Variants in TRPS1 observed in about 807,000 individuals in gnomAD.
The protein encoded by TRPS1 is zinc finger transcription factor Trps1.
TRPS1 carries 6 observed loss-of-function variants against 101.2 expected under a neutral mutation model. The ratio of observed to expected loss-of-function variants is 0.06; its 90% CI spans 0.03 to 0.12. The LOEUF is 0.12. Among genes scored for constraint, TRPS1 ranks in the 10% least tolerant of loss-of-function variants. The probability of loss-of-function intolerance (pLI) is 1.00; values close to 1 mark genes in which losing one functional copy is unlikely to be tolerated. For missense variants in TRPS1, 1,363 were observed against 1,567.0 expected (o/e 0.87, Z 2.20); for synonymous variants, 578 against 589.8 (o/e 0.98, Z 0.29).
At chr8:115,668,033 G>A (rs1274176896) in intron 1 of TRPS1, 3 of 838,626 alleles carry the variant, frequency 3.6e-6, no homozygotes, top group East Asian at 2.7e-5. Flanking sequence ...GAGACAGCGA[G>A]GGGGAGTGGG....
Position 115,619,186 on chromosome 8 carries a change from C to T in TRPS1, c.912G>A (p.Leu304=). The T allele has an allele frequency of 6.2e-7, 1 of 1,614,140 alleles. No individual in the cohort carries two copies. The highest frequency in any genetic ancestry group is 2.2e-5 in the East Asian group (1 of 44,868). The change falls in exon 3 of 7, where the codon CTG becomes CTA. Residue 304 remains leucine (L), a synonymous_variant. Transcript: ENST00000395715. ...KVNRSVFSGV[L]QDINSSRPVL... ...CAGGCCTTGAAGAATTGATGTCCTG[C>T]AGCACACCAGAAAACACAGAACGGT...
At chr8:115,564,540 T>C (rs916357132) in intron 5 of TRPS1, among the ~76,000 whole-genome samples, 2 of 152,156 alleles carry the variant, frequency 1.3e-5, no homozygotes, top group Non-Finnish European at 2.9e-5. Context: ...CAATTCTATG[T>C]CATGTGACTA....
At chr8:115,467,266 A>G (rs1280542454) in intron 5 of TRPS1, among the ~76,000 whole-genome samples, 1 of 152,136 alleles carries the variant, frequency 6.6e-6, no homozygotes, top group Non-Finnish European at 1.5e-5. Context: ...TTCCTGCTTA[A>G]AAAAGCAGCT....
In TRPS1 at chr8:115,409,261, G is replaced by GAGAAAAAA. The variant is rs1554615579; in HGVS notation, c.*4761_*4762insTTTTTTCT. The GAGAAAAAA allele has an allele frequency of 9.8e-6, 1 of 102,262 alleles. No homozygotes were observed. Among genetic ancestry groups the GAGAAAAAA allele is most frequent in the Admixed American group, 1.2e-4 (1 of 8,602 alleles). 6.3% of individuals were successfully genotyped at this position (102,262 alleles called of 1,614,324 possible). ...TGATATGCTGCAGTTTATATGTTGGGAAAAAAAAAAAAAAAAAAAACAGGG... is the reference window on the plus strand; with the variant it reads ...TGATATGCTGCAGTTTATATGTTGGGAGAAAAAAAAAAAAAAAAAAAAAAAAAACAGGG... On this transcript the variant is annotated 3_prime_UTR_variant, in exon 7 of 7. Transcript: ENST00000395715.
At chr8:115,497,209 G>C (rs1412481014) in intron 5 of TRPS1, among the ~76,000 whole-genome samples, 1 of 152,186 alleles carries the variant, frequency 6.6e-6, no homozygotes, top group Non-Finnish European at 1.5e-5. Flanking sequence ...CAGATGAGGG[G>C]TATGGTTTGG....
intron 5 of TRPS1, among the ~76,000 whole-genome samples, chr8:115,568,163 T>C (rs1261116854): frequency 1.3e-5 from 2 of 152,082 alleles, no homozygotes; most frequent in African/African-American, 4.8e-5. Context: ...CATGTATTAT[T>C]GTACTCCCCC....
intron 5 of TRPS1, among the ~76,000 whole-genome samples, chr8:115,463,365 G>A (rs1814236991): frequency 6.6e-6 from 1 of 152,154 alleles, no homozygotes; most frequent in Non-Finnish European, 1.5e-5. Flanking sequence ...ACCCTTTTCT[G>A]AGATATTTAT....
chr8:115,494,902 T>C (rs976348085), intron 5 of TRPS1, among the ~76,000 whole-genome samples: 6 of 152,178 alleles, frequency 3.9e-5, no homozygotes, highest in Non-Finnish European at 5.9e-5. Context: ...TTAAGAAAGG[T>C]GAAATACCTT....
chr8:115,545,772 TTGA>T (rs1387493754), intron 5 of TRPS1, among the ~76,000 whole-genome samples: 2 of 152,200 alleles, frequency 1.3e-5, no homozygotes, highest in Non-Finnish European at 2.9e-5. Context: ...TTAGTTATAC[TTGA>T]TGAATCAATT....
chr8:115,428,383 C>G (rs1813239444), intron 5 of TRPS1, among the ~76,000 whole-genome samples: 1 of 152,160 alleles, frequency 6.6e-6, no homozygotes, highest in South Asian at 2.1e-4. Flanking sequence ...CATTTCATCA[C>G]AGAAGAGTAA....
intron 5 of TRPS1, among the ~76,000 whole-genome samples, chr8:115,445,566 T>G (rs1292750357): frequency 1.3e-5 from 2 of 152,196 alleles, no homozygotes; most frequent in Non-Finnish European, 2.9e-5. Flanking sequence ...TTTGTTACTG[T>G]ATGAGATCGC....
intron 5 of TRPS1, among the ~76,000 whole-genome samples, chr8:115,449,863 T>C (rs1343942305): frequency 2.6e-5 from 4 of 151,970 alleles, no homozygotes; most frequent in Non-Finnish European, 5.9e-5. Flanking sequence ...GTCAGAAGCA[T>C]TCCCAAATAA....
chr8:115,582,836 TTCC>T, intron 5 of TRPS1, among the ~76,000 whole-genome samples: 1 of 152,332 alleles, frequency 6.6e-6, no homozygotes, highest in East Asian at 1.9e-4. Context: ...AGATTTATCT[TTCC>T]TCTAGCTGCA....
rs751973085 is a variant in TRPS1 at position 115,414,239 on chromosome 8, T to C, written c.3669A>G (p.Gln1223=). The C allele has an allele frequency of 1.2e-6, 2 of 1,614,030 alleles. No individual in the cohort carries two copies. The highest frequency in any genetic ancestry group is 3.3e-5 in the Admixed American group (2 of 59,962). ...GCACACATTTTGTTGAAAGTTCATC[T>C]TGAGTACTTCTATCAACTTTCTCTG... The part of the protein sequence containing the change: ...VKTEKVDRST[Q]DELSTKCVHC... Residue 1223 remains glutamine, a synonymous_variant, in exon 7 of 7, where the codon CAA becomes CAG. Coordinates refer to ENST00000395715, the MANE Select transcript of TRPS1 (RefSeq NM_014112.5). This position sits in a 1 kb window ranked among gnomAD's most constrained non-coding sequence, Gnocchi z 4.8.
At chr8:115,459,737 A>T (rs571687767) in intron 5 of TRPS1, among the ~76,000 whole-genome samples, 11 of 152,274 alleles carry the variant, frequency 7.2e-5, no homozygotes, top group African/African-American at 2.6e-4. Flanking sequence ...ATCCCTATAC[A>T]TTACTCTGAT....
At chr8:115,452,772 G>C (rs896276597) in intron 5 of TRPS1, among the ~76,000 whole-genome samples, 1 of 152,050 alleles carries the variant, frequency 6.6e-6, no homozygotes, top group Non-Finnish European at 1.5e-5. Flanking sequence ...GTGTTTCCTC[G>C]AGCACAGATG....
rs575253197 is a variant in TRPS1, at chr8:115,638,406, T to A, written c.-121-14648A>T. Reference sequence around the variant, plus strand: ...GGAGAGCCCGAAGACATGAGTGCAATGAATAAAATAGGTTGATTTGTGAAT... The same window carrying A: ...GGAGAGCCCGAAGACATGAGTGCAAAGAATAAAATAGGTTGATTTGTGAAT... On this transcript the variant is annotated intron_variant, in intron 1 of 6. Transcript: ENST00000395715. Among the ~76,000 whole-genome samples, 13 of 152,196 alleles carry A rather than the reference T, an allele frequency of 8.5e-5. No homozygotes were observed. In the East Asian group the frequency reaches 2.1e-3, roughly 25 times the overall value.
At chr8:115,466,582 C>T (rs1814324164) in intron 5 of TRPS1, among the ~76,000 whole-genome samples, 1 of 151,916 alleles carries the variant, frequency 6.6e-6, no homozygotes, top group Non-Finnish European at 1.5e-5. Context: ...ATCACAAAGC[C>T]CATTAAGACA....
At chr8:115,501,741 T>C (rs2130148663) in intron 5 of TRPS1, among the ~76,000 whole-genome samples, 1 of 152,328 alleles carries the variant, frequency 6.6e-6, no homozygotes, top group Middle Eastern at 3.4e-3. Flanking sequence ...CATTTTTGTT[T>C]GTCACATCTG....
Sources: gnomAD v4.1 joint callset for allele counts (sites outside exome capture counted in the v4.1 genomes callset) on GRCh38, gnomAD v4.1.1 for gene constraint, Gnocchi (gnomAD v3.1) non-coding constraint, MANE v1.5 for transcripts, NCBI Gene and HGNC (gene_info 2026-07-23, HGNC 2026-07-21) for gene names.